Variants in PTH2R observed in about 807,000 individuals in gnomAD.
The protein encoded by PTH2R is parathyroid hormone 2 receptor.
Under a neutral mutation model 60.3 loss-of-function variants are expected in PTH2R, and 59 were observed. The observed-to-expected ratio is 0.98, with a 90% confidence interval of 0.79 to 1.22. The LOEUF (loss-of-function observed/expected upper bound fraction) is 1.22. Ranked by LOEUF, PTH2R falls within the 50% of genes most tolerant of loss-of-function variation. The pLI, the probability that PTH2R is intolerant of heterozygous loss-of-function variation, is 0.00. For missense variants in PTH2R, 749 were observed against 682.6 expected, an observed-to-expected ratio of 1.10 and a Z score of -1.08; for synonymous variants, 256 against 243.8, an observed-to-expected ratio of 1.05 and a Z score of -0.47.
rs192025647 is a variant in PTH2R, at chr2:208,398,341, G to A, written c.-258-29860G>A. Among the ~76,000 whole-genome samples the A allele has an allele frequency of 1.1e-4, 16 of 152,318 alleles. No homozygotes were observed. In the East Asian group the frequency reaches 1.7e-3, roughly 17 times the overall value. On this transcript the variant is annotated intron_variant, in intron 1 of 12. Coordinates refer to the PTH2R transcript ENST00000617735. ...TTAAGGATCTGATGCCAGAATGGCC[G>A]TGGAAGTCAAACATGTCTCATGCAA...
exon 1 of PTH2R, chr2:208,359,801 C>T (rs1700406138): frequency 1.3e-5 from 2 of 155,756 alleles, no homozygotes; most frequent in South Asian, 1.8e-4. Context: ...CCGGGAGGCC[C>T]GCCCCCTGCC....
At chr2:208,487,874 G>T (rs2061012) in intron 10 of PTH2R, among the ~76,000 whole-genome samples, 1 of 152,114 alleles carries the variant, frequency 6.6e-6, no homozygotes, top group African/African-American at 2.4e-5. Context: ...TTGCTTCATC[G>T]AACCAAGCAA....
intron 1 of PTH2R, among the ~76,000 whole-genome samples, chr2:208,407,768 A>G (rs1273724182): frequency 6.6e-6 from 1 of 152,132 alleles, no homozygotes. Context: ...TTTGAGTCAA[A>G]TCAAATGTAG....
intron 9 of PTH2R, among the ~76,000 whole-genome samples, chr2:208,462,752 G>A (rs1702659027): frequency 6.6e-6 from 1 of 152,190 alleles, no homozygotes; most frequent in Non-Finnish European, 1.5e-5. Context: ...ATTAATGGGG[G>A]AAATTTATTC....
chr2:208,438,647 T>C (rs1244244057), intron 4 of PTH2R, among the ~76,000 whole-genome samples: 1 of 152,210 alleles, frequency 6.6e-6, no homozygotes, highest in Admixed American at 6.5e-5. Context: ...AAATGCATGA[T>C]GATATATGCA....
At chr2:208,448,204 A>G (rs76151979) in intron 7 of PTH2R, among the ~76,000 whole-genome samples, 2 of 152,202 alleles carry the variant, frequency 1.3e-5, no homozygotes, top group African/African-American at 4.8e-5. Flanking sequence ...GTAAGTGTTT[A>G]AACACAGAGA....
At position 208,490,620 on chromosome 2, in the gene PTH2R, C is replaced by G; in HGVS notation, c.1216-19C>G. The stretch of plus-strand genomic sequence containing the variant: ...AGTTTCTGAGTTGGCAGTGGGCTGA[C>G]TTTCTCTTTTGTCTGCAGGGTTTCT... On this transcript the variant is annotated intron_variant, in intron 11 of 12. Coordinates refer to ENST00000272847, the MANE Select transcript of PTH2R (RefSeq NM_005048.4). The G allele has an allele frequency of 6.2e-7, 1 of 1,604,228 alleles. No homozygotes were observed. The highest frequency in any genetic ancestry group is 8.5e-7 in the Non-Finnish European group (1 of 1,177,850).
At chr2:208,405,836 A>G (rs1004877070), upstream of PTH2R, among the ~76,000 whole-genome samples, 1 of 152,176 alleles carries the variant, frequency 6.6e-6, no homozygotes, top group Non-Finnish European at 1.5e-5. Context: ...CCTCAGAAAA[A>G]TCCCTCATCC....
chr2:208,371,731 A>G (rs1342078841), intron 1 of PTH2R, among the ~76,000 whole-genome samples: 1 of 152,078 alleles, frequency 6.6e-6, no homozygotes, highest in Non-Finnish European at 1.5e-5. Context: ...CTTTCACTGG[A>G]TGAGATGCCT....
chr2:208,477,902 T>C (rs1703045299), intron 9 of PTH2R, among the ~76,000 whole-genome samples: 1 of 148,382 alleles, frequency 6.7e-6, no homozygotes, highest in African/African-American at 2.5e-5. Context: ...CTAGCACTAC[T>C]ACTAGTACTA....
intron 9 of PTH2R, among the ~76,000 whole-genome samples, chr2:208,464,612 G>T (rs1702703984): frequency 6.6e-6 from 1 of 152,200 alleles, no homozygotes; most frequent in Admixed American, 6.5e-5. Flanking sequence ...GGCTGTCTTT[G>T]TTAGCATCCC....
chr2:208,414,318 A>G (rs945810708), intron 1 of PTH2R, among the ~76,000 whole-genome samples: 1 of 152,180 alleles, frequency 6.6e-6, no homozygotes, highest in African/African-American at 2.4e-5. Context: ...TAATATAATA[A>G]AAGTTTAATA....
chr2:208,362,649 T>C (rs1387831557), intron 1 of PTH2R, among the ~76,000 whole-genome samples: 1 of 152,248 alleles, frequency 6.6e-6, no homozygotes, highest in Non-Finnish European at 1.5e-5. Context: ...ATGCAAATAC[T>C]TCTTTGAGAC....
At chr2:208,434,067 A>T (rs1702024988) in intron 2 of PTH2R, among the ~76,000 whole-genome samples, 1 of 152,144 alleles carries the variant, frequency 6.6e-6, no homozygotes, top group Admixed American at 6.5e-5. Flanking sequence ...TAATCCCAAC[A>T]CTTTGGGAGG....
chr2:208,396,333 C>G (rs1443891766), intron 1 of PTH2R, among the ~76,000 whole-genome samples: 14 of 152,158 alleles, frequency 9.2e-5, no homozygotes, highest in Admixed American at 8.5e-4. Context: ...AACTAAAGAG[C>G]TTCTGCACAG....
rs995280722 is a variant in PTH2R at position 208,447,682 on chromosome 2, G to T, written c.853+2795G>T. ...GAAATGACAATCTGAAGAAGAATAG[G>T]TGTCATATCTGACCTTTACTAAATT... is the stretch of plus-strand genomic sequence containing the variant. On this transcript the variant is annotated intron_variant, in intron 7 of 12. Transcript: ENST00000272847. Among the ~76,000 whole-genome samples, 3 of 151,036 alleles carry T rather than the reference G, an allele frequency of 2.0e-5. No individual in the cohort carries two copies. The East Asian group carries it at 5.8e-4, about 29-fold the overall frequency.
intron 7 of PTH2R, among the ~76,000 whole-genome samples, chr2:208,446,333 A>C (rs908861981): frequency 8.5e-5 from 13 of 152,322 alleles, no homozygotes; most frequent in African/African-American, 3.1e-4. Context: ...ATGTGAAGAA[A>C]AGCTAAGGTG....
At chr2:208,439,259 A>G (rs1205657655) in intron 4 of PTH2R, among the ~76,000 whole-genome samples, 1 of 152,144 alleles carries the variant, frequency 6.6e-6, no homozygotes, top group African/African-American at 2.4e-5. Context: ...TACTCAATAT[A>G]TATACTAGTT....
rs541460800 is a variant in PTH2R, at chr2:208,390,712, T to G, written c.-259+30475T>G. On this transcript the variant is annotated intron_variant, in intron 1 of 12. Coordinates refer to the PTH2R transcript ENST00000617735. Reference sequence around the variant, plus strand: ...ATTTTCCACCCTGAGGGTGCTACAGTATATAGTTCTATTGCAAATAGTAGA... The same window carrying G: ...ATTTTCCACCCTGAGGGTGCTACAGGATATAGTTCTATTGCAAATAGTAGA... Among the ~76,000 whole-genome samples, 12 of 152,328 alleles carry G rather than the reference T, an allele frequency of 7.9e-5. No individual in the cohort carries two copies. The South Asian group carries it at 2.5e-3, about 32-fold the overall frequency.
Sources: allele counts gnomAD v4.1 joint callset (sites outside exome capture counted in the v4.1 genomes callset), GRCh38; gene constraint gnomAD v4.1.1; transcripts MANE v1.5; gene names NCBI Gene and HGNC (gene_info 2026-07-23, HGNC 2026-07-21).